The following PRELID2 variants were observed in gnomAD, a reference collection of about 807,000 sequenced individuals.
PRELID2 encodes the protein PRELI domain-containing protein 2.
PRELID2 carries 25 observed loss-of-function variants against 28.4 expected under a neutral mutation model. The ratio of observed to expected loss-of-function variants is 0.88; its 90% CI spans 0.64 to 1.23. PRELID2 has a LOEUF of 1.23. Among genes scored for constraint, PRELID2 ranks in the 50% most tolerant of loss-of-function variants. PRELID2 has a pLI of 0.00. For missense variants in PRELID2, 201 were observed against 214.4 expected (o/e 0.94, Z 0.39); for synonymous variants, 76 against 71.6 (o/e 1.06, Z -0.31).
the PRELID2 span, among the ~76,000 whole-genome samples, chr5:145,383,204 G>A: frequency 9.2e-5 from 14 of 151,366 alleles, no homozygotes; most frequent in East Asian, 1.9e-4. Flanking sequence ...ATATACATGT[G>A]TGTATATATA....
the PRELID2 span, among the ~76,000 whole-genome samples, chr5:145,420,541 A>G: frequency 2.8e-5 from 4 of 141,790 alleles, no homozygotes; most frequent in African/African-American, 5.1e-5. Context: ...TTTGTCTGTT[A>G]TTGGTGTATA....
intron 5 of PRELID2, among the ~76,000 whole-genome samples, chr5:145,766,827 C>T (rs955232260): frequency 9.2e-5 from 14 of 152,212 alleles, no homozygotes; most frequent in East Asian, 1.9e-4. Context: ...GGGATTAGTG[C>T]TTTCTATACC....
chr5:145,691,891 G>A (rs1318644759), intron 1 of PRELID2, among the ~76,000 whole-genome samples: 1 of 152,006 alleles, frequency 6.6e-6, no homozygotes, highest in Non-Finnish European at 1.5e-5. Flanking sequence ...ACACCCTACT[G>A]AATACCCTGA....
At chr5:145,320,867 C>G in the PRELID2 span, among the ~76,000 whole-genome samples, 1 of 152,172 alleles carries the variant, frequency 6.6e-6, no homozygotes, top group Non-Finnish European at 1.5e-5. Flanking sequence ...TCAGTTAAGG[C>G]AACCTCTGTC....
the PRELID2 span, among the ~76,000 whole-genome samples, chr5:145,373,768 C>T: frequency 1.3e-5 from 1 of 74,406 alleles, no homozygotes. Context: ...TTATATATTA[C>T]AACATATATA....
the PRELID2 span, among the ~76,000 whole-genome samples, chr5:145,265,780 T>C: frequency 0.087 from 13,172 of 152,074 alleles, 1,208 homozygotes; most frequent in African/African-American, 0.24. Context: ...GAAACTGGAT[T>C]ATCATCTCTC....
intron 1 of PRELID2, among the ~76,000 whole-genome samples, chr5:145,610,547 C>T (rs1753598744): frequency 6.6e-6 from 1 of 152,154 alleles, no homozygotes; most frequent in African/African-American, 2.4e-5. Flanking sequence ...CCTAGCCAAT[C>T]CACAAGCTTA....
intron 1 of PRELID2, chr5:145,704,317 CAG>C (rs1414542212): frequency 6.6e-6 from 1 of 152,156 alleles, no homozygotes; most frequent in Non-Finnish European, 1.5e-5. Context: ...GTAAAAGACA[CAG>C]AGGAAATTCC....
At chr5:145,597,904 G>C (rs755435847) in intron 1 of PRELID2, among the ~76,000 whole-genome samples, 2 of 152,134 alleles carry the variant, frequency 1.3e-5, no homozygotes, top group Non-Finnish European at 2.9e-5. Flanking sequence ...TATACATGGA[G>C]ATTTATAAGC....
intron 1 of PRELID2, among the ~76,000 whole-genome samples, chr5:145,631,406 C>T (rs1319353046): frequency 2.0e-5 from 3 of 152,090 alleles, no homozygotes; most frequent in Non-Finnish European, 4.4e-5. Context: ...GCCATGTGAC[C>T]CTGGAAGAGT....
intron 4 of PRELID2, among the ~76,000 whole-genome samples, chr5:145,805,866 G>T (rs1753466921): frequency 1.3e-5 from 2 of 152,148 alleles, no homozygotes; most frequent in Non-Finnish European, 2.9e-5. Context: ...CAACACAGTG[G>T]TATTTGTGTA....
intron 1 of PRELID2, among the ~76,000 whole-genome samples, chr5:145,656,052 T>C (rs74783857): frequency 0.23 from 35,048 of 151,790 alleles, 7,830 homozygotes; most frequent in African/African-American, 0.58. Flanking sequence ...AACAAATTTA[T>C]GAGAAAAAAA....
intron 1 of PRELID2, among the ~76,000 whole-genome samples, chr5:145,485,173 T>C (rs1361633475): frequency 6.6e-6 from 1 of 152,202 alleles, no homozygotes; most frequent in Middle Eastern, 3.2e-3. Context: ...TTTGTCTTTT[T>C]AAAATGAATT....
chr5:145,435,102 T>C, the PRELID2 span, among the ~76,000 whole-genome samples: 1 of 152,112 alleles, frequency 6.6e-6, no homozygotes, highest in Admixed American at 6.5e-5. Flanking sequence ...AACACAGCAG[T>C]GGGCAAGACA....
intron 2 of PRELID2, among the ~76,000 whole-genome samples, chr5:145,821,116 G>A (rs138991152): frequency 9.5e-5 from 13 of 136,740 alleles, no homozygotes; most frequent in East Asian, 2.1e-4. Flanking sequence ...GTTAACAACC[G>A]CCTGACCGTC....
At chr5:145,568,452 C>T (rs1009048651) in intron 1 of PRELID2, among the ~76,000 whole-genome samples, 13 of 152,168 alleles carry the variant, frequency 8.5e-5, no homozygotes, top group African/African-American at 3.1e-4. Context: ...TTTTCTAAAT[C>T]AACCAACTAA....
At chr5:145,772,638 G>A (rs895078663) in intron 5 of PRELID2, among the ~76,000 whole-genome samples, 2 of 152,158 alleles carry the variant, frequency 1.3e-5, no homozygotes, top group Non-Finnish European at 2.9e-5. Context: ...ATTCAAAGGG[G>A]TGGAGCCCTC....
the PRELID2 span, among the ~76,000 whole-genome samples, chr5:145,238,587 T>C: frequency 5.3e-5 from 8 of 152,120 alleles, no homozygotes; most frequent in African/African-American, 1.9e-4. Context: ...AATGACTAAA[T>C]GAATGAAATG....
chr5:145,539,512 A>C (rs1487589056), intron 1 of PRELID2, among the ~76,000 whole-genome samples: 1 of 151,934 alleles, frequency 6.6e-6, no homozygotes, highest in African/African-American at 2.4e-5. Context: ...GTCTCCTCCT[A>C]CACTATCTCA....
Sources: allele counts gnomAD v4.1 joint callset (sites outside exome capture counted in the v4.1 genomes callset), GRCh38; gene constraint gnomAD v4.1.1; transcripts MANE v1.5; gene names NCBI Gene and HGNC (gene_info 2026-07-23, HGNC 2026-07-21).